The following ITGA11 variants were observed in gnomAD, a reference collection of about 807,000 sequenced individuals.
The protein encoded by ITGA11 is integrin subunit alpha 11, also known as integrin alpha-11.
In ITGA11, 97 loss-of-function variants were observed where a neutral mutation model predicts 141.9. That is an observed-to-expected ratio of 0.68 (90% confidence interval 0.58 to 0.81). The LOEUF (loss-of-function observed/expected upper bound fraction) is 0.81, where lower values mean the gene tolerates loss of function less well. Among genes scored for constraint, ITGA11 ranks in the 30% least tolerant of loss-of-function variants. The pLI is 0.00. For missense variants in ITGA11, 1,387 were observed against 1,559.2 expected (o/e 0.89, Z 1.86); for synonymous variants, 658 against 624.6 (o/e 1.05, Z -0.80).
At chr15:68,327,303 C>T (rs1464012364) in intron 16 of ITGA11, among the ~76,000 whole-genome samples, 2 of 152,234 alleles carry the variant, frequency 1.3e-5, no homozygotes, top group African/African-American at 4.8e-5. Context: ...TGCCTCCTCC[C>T]CTTCAGTTAG....
At chr15:68,372,383 G>A (rs28665430) in intron 2 of ITGA11, among the ~76,000 whole-genome samples, 2,897 of 152,162 alleles carry the variant, frequency 0.019, 78 homozygotes, top group African/African-American at 0.066. Context: ...GGCCTGCTAC[G>A]CCTCTCGGGG....
chr15:68,382,224 A>G (rs1464164074), intron 2 of ITGA11, among the ~76,000 whole-genome samples: 1 of 152,138 alleles, frequency 6.6e-6, no homozygotes, highest in Non-Finnish European at 1.5e-5. Flanking sequence ...ACATTTTTGG[A>G]AATGTCCTCC....
intron 11 of ITGA11, chr15:68,336,154 C>T (rs896948537): frequency 2.2e-5 from 9 of 416,586 alleles, no homozygotes; most frequent in African/African-American, 1.2e-4. Context: ...ATCCCTCCTT[C>T]ACCTGCTCAT....
At chr15:68,365,546 G>GA (rs1465970993) in intron 3 of ITGA11, 1 of 18,494 alleles carries the variant, frequency 5.4e-5, no homozygotes, top group Non-Finnish European at 1.3e-4. Context: ...AAGTGTGTTG[G>GA]GGTGTGTGTG....
At position 68,321,273 on chromosome 15, in the gene ITGA11, C is replaced by A; in HGVS notation, c.2408+145G>T. On this transcript the variant is annotated intron_variant, in intron 19 of 29. Transcript: ENST00000315757. The surrounding 1 kb of genome is among the most constrained non-coding windows in gnomAD (Gnocchi z 4.9). ...GCAGGAGTTGGTGGCAGAGCCTGGG[C>A]TAGAACGCAGGCTCCAAGTGCAATG... The A allele has an allele frequency of 2.1e-6, 1 of 471,522 alleles. No homozygotes were observed. 29.2% of individuals were successfully genotyped at this position (471,522 alleles called of 1,614,324 possible).
Position 68,312,871 on chromosome 15 carries a change from G to A in ITGA11, c.2883-8C>T. ...TGGCTCAGGCTGCTGCTCCTGCGGA[G>A]ACAGAGGACAGGGCTGTCGTGAGCT... On this transcript the variant is annotated splice_polypyrimidine_tract_variant and splice_region_variant and intron_variant, in intron 23 of 29. Coordinates refer to ENST00000315757, the MANE Select transcript of ITGA11 (RefSeq NM_001004439.2). 1 of 1,601,164 alleles carries A rather than the reference G, an allele frequency of 6.2e-7. No homozygotes were observed. Among genetic ancestry groups the A allele is most frequent in the Non-Finnish European group, 8.6e-7 (1 of 1,168,810 alleles).
rs536233954 is a variant in ITGA11 at position 68,305,078 on chromosome 15, C to T, written c.3382-1193G>A. Among the ~76,000 whole-genome samples the T allele has an allele frequency of 1.3e-5, 2 of 152,356 alleles. No homozygotes were observed. Among genetic ancestry groups the T allele is most frequent in the East Asian group, 3.9e-4 (2 of 5,178 alleles). On this transcript the variant is annotated intron_variant, in intron 28 of 29. Coordinates refer to ENST00000315757, the MANE Select transcript of ITGA11 (RefSeq NM_001004439.2). The surrounding 1 kb of genome is among the most constrained non-coding windows in gnomAD (Gnocchi z 4.6). ...GCAGTCCTGGCCCTGGCCTGCAAGG[C>T]CCTCCCCTCTCGGGTCCCACCTGTC... is the stretch of plus-strand genomic sequence containing the variant.
intron 3 of ITGA11, among the ~76,000 whole-genome samples, chr15:68,368,860 C>CTTT (rs34788905): frequency 0.019 from 2,512 of 134,814 alleles, 120 homozygotes; most frequent in East Asian, 0.1. Context: ...ACAGGAAGTC[C>CTTT]TTTTTTTTTT....
chr15:68,354,170 T>C (rs1385816230), intron 7 of ITGA11, among the ~76,000 whole-genome samples: 1 of 135,334 alleles, frequency 7.4e-6, no homozygotes, highest in Admixed American at 7.0e-5. Context: ...TATGCTGTTA[T>C]TTATTTATTT....
At chr15:68,418,659 C>A (rs188854578) in intron 1 of ITGA11, among the ~76,000 whole-genome samples, 1 of 146,678 alleles carries the variant, frequency 6.8e-6, no homozygotes, top group Admixed American at 7.0e-5. Context: ...AGCGCACAGC[C>A]GGTACAGCTG....
Position 68,302,747 on chromosome 15 carries a change from C to T in ITGA11, c.*312G>A, listed in dbSNP as rs1173085655. 2 of 328,418 alleles carry T rather than the reference C, an allele frequency of 6.1e-6. No homozygotes were observed. The highest frequency in any genetic ancestry group is 1.1e-5 in the Non-Finnish European group (2 of 182,030). 20.3% of individuals were successfully genotyped at this position (328,418 alleles called of 1,614,324 possible). A position where few individuals can be genotyped will look rare whatever the true frequency, so the allele number is the denominator to read the frequency against. On this transcript the variant is annotated 3_prime_UTR_variant, in exon 30 of 30. Transcript: ENST00000315757. ...TTACGAATTCCTAGCACCTTAGTAG[C>T]TGGGGCAGCAAATGCCCTCCACAGA... is the stretch of plus-strand genomic sequence containing the variant.
In ITGA11 at chr15:68,350,889, C is replaced by A; in HGVS notation, c.895-107G>T. 8.7e-7 allele frequency: 1 copy of A among 1,151,092 alleles called. No individual in the cohort carries two copies. The allele number at this position is 1,151,092 out of a possible 1,614,324, so 71.3% of individuals were successfully genotyped here. ...ACCCCAGGGTGGGCTGGAGCCAGGGCCGGTAGCCATGAGAGTTCCTCGCAA... is the reference window on the plus strand; with the variant it reads ...ACCCCAGGGTGGGCTGGAGCCAGGGACGGTAGCCATGAGAGTTCCTCGCAA... On this transcript the variant is annotated intron_variant, in intron 8 of 29. Transcript: ENST00000315757.
intron 6 of ITGA11, among the ~76,000 whole-genome samples, chr15:68,357,943 C>T (rs528785320): frequency 2.0e-5 from 3 of 152,274 alleles, no homozygotes; most frequent in South Asian, 4.1e-4. Context: ...CAGCCCTAAT[C>T]GTTACAAATA....
At chr15:68,394,089 T>C (rs997927775) in intron 2 of ITGA11, among the ~76,000 whole-genome samples, 2 of 152,178 alleles carry the variant, frequency 1.3e-5, no homozygotes, top group African/African-American at 4.8e-5. Flanking sequence ...TGAACATCTA[T>C]GCAAACAAAC....
At chr15:68,422,450 C>A (rs764079340) in intron 1 of ITGA11, among the ~76,000 whole-genome samples, 3 of 152,122 alleles carry the variant, frequency 2.0e-5, no homozygotes, top group Non-Finnish European at 4.4e-5. Context: ...CTCACCACCT[C>A]ATTTCACTCT....
chr15:68,344,293 C>G (rs1894671203), intron 10 of ITGA11, among the ~76,000 whole-genome samples: 1 of 152,118 alleles, frequency 6.6e-6, no homozygotes, highest in South Asian at 2.1e-4. Context: ...TCTAGGGGGG[C>G]ACAGGAGGGG....
chr15:68,349,850 G>A (rs1894848933), intron 9 of ITGA11, among the ~76,000 whole-genome samples: 2 of 152,208 alleles, frequency 1.3e-5, no homozygotes, highest in Non-Finnish European at 2.9e-5. Flanking sequence ...AGGGATTAAG[G>A]GTTTCAGAAT....
chr15:68,370,193 G>A (rs1021094787), intron 2 of ITGA11, among the ~76,000 whole-genome samples: 2 of 152,160 alleles, frequency 1.3e-5, no homozygotes, highest in African/African-American at 2.4e-5. Flanking sequence ...TTTAAGCCAC[G>A]CAGGTTGTGA....
chr15:68,351,201 T>C, intron 8 of ITGA11, 57 bp downstream of exon 8: 1 of 1,594,980 alleles, frequency 6.3e-7, no homozygotes, highest in Non-Finnish European at 8.6e-7. Context: ...TCCCCAGGGA[T>C]TTGATGGTAA....
Sources: gnomAD v4.1 joint callset for allele counts (sites outside exome capture counted in the v4.1 genomes callset) on GRCh38, gnomAD v4.1.1 for gene constraint, Gnocchi (gnomAD v3.1) non-coding constraint, MANE v1.5 for transcripts, NCBI Gene and HGNC (gene_info 2026-07-23, HGNC 2026-07-21) for gene names.